Variants in RREB1 observed in about 807,000 individuals in gnomAD.
RREB1 encodes the protein ras responsive element binding protein 1.
In RREB1, 27 loss-of-function variants were observed where a neutral mutation model predicts 117.8. The observed-to-expected ratio is 0.23, with a 90% CI of 0.17 to 0.32. The LOEUF (loss-of-function observed/expected upper bound fraction) is 0.32, where lower values mean the gene tolerates loss of function less well. Ranked by LOEUF, RREB1 falls within the 10% of genes least tolerant of loss-of-function variation. The probability of loss-of-function intolerance (pLI) is 1.00; values close to 1 mark genes in which losing one functional copy is unlikely to be tolerated. For missense variants in RREB1, 2,577 were observed against 2,378.2 expected (o/e 1.08, Z -1.74); for synonymous variants, 1,298 against 1,026.7 (o/e 1.26, Z -5.05).
At chr6:7,228,495 CTTTTTTTTTT>C (rs568193582) in intron 9 of RREB1, among the ~76,000 whole-genome samples, 10 of 91,232 alleles carry the variant, frequency 1.1e-4, no homozygotes, top group South Asian at 3.7e-4. Context: ...AGAAGGTCAA[CTTTTTTTTTT>C]TTTTTTTTTT....
intron 6 of RREB1, 108 bp from the exon 7 acceptor site, chr6:7,210,696 C>G: frequency 1.1e-6 from 1 of 939,748 alleles, no homozygotes; most frequent in Non-Finnish European, 1.6e-6. Context: ...CCTCATATCT[C>G]TTAACTAAAG....
chr6:7,177,573 C>T (rs1230879707), intron 2 of RREB1, among the ~76,000 whole-genome samples: 2 of 152,042 alleles, frequency 1.3e-5, no homozygotes, highest in Non-Finnish European at 2.9e-5. Flanking sequence ...CTCACTCTGT[C>T]GCCCAGGCTG....
chr6:7,230,326 G>A lies in RREB1; in HGVS notation c.2227G>A (p.Glu743Lys), dbSNP rs147574604. The A allele has an allele frequency of 4.4e-4, 707 of 1,589,084 alleles. 3 individuals are homozygous for A. Among genetic ancestry groups the A allele is most frequent in the South Asian group, 6.8e-4 (61 of 89,772 alleles). ...NIEYVSSSAAELVDAFCAPDT... is the reference protein window; with the variant it reads ...NIEYVSSSAAKLVDAFCAPDT... ...CGAGTATGTGAGTAGCAGCGCGGCC[G>A]AGCTGGTGGACGCCTTCTGCGCCCC... The change falls in exon 10 of 13, where the codon GAG becomes AAG. Residue 743 changes from glutamate to lysine, a missense_variant. By Grantham distance (56) the Glu-to-Lys change is moderately conservative. Coordinates refer to ENST00000379938, the MANE Select transcript of RREB1 (RefSeq NM_001003699.4).
At chr6:7,212,365 G>T (rs1766660154) in intron 8 of RREB1, 1 of 152,228 alleles carries the variant, frequency 6.6e-6, no homozygotes, top group South Asian at 2.1e-4. Context: ...GAAAACACGG[G>T]TAGTGACAGG....
At chr6:7,233,520 T>G (rs184290182) in intron 10 of RREB1, among the ~76,000 whole-genome samples, 9 of 152,336 alleles carry the variant, frequency 5.9e-5, no homozygotes, top group African/African-American at 2.2e-4. Context: ...AAACTTGAAT[T>G]TCAGATAGAC....
rs3028658 is a variant in RREB1, at chr6:7,187,540, CTTTTATTTTATTTTATTTTA to C, written c.261+48_261+67del. ...ATTCGCCAGGTAGATTCCCACTGTTCTTTTATTTTATTTTATTTTATTTTATTTTATTTTATTTTATTTTA... is the reference window on the plus strand; with the variant it reads ...ATTCGCCAGGTAGATTCCCACTGTTCTTTTATTTTATTTTATTTTATTTTA... On this transcript the variant is annotated intron_variant, in intron 5 of 12. Transcript: ENST00000379938. 563 of 847,850 alleles carry C rather than the reference CTTTTATTTTATTTTATTTTA, an allele frequency of 6.6e-4. 27 individuals carry two copies. The African/African-American group carries it at 8.6e-3, about 13-fold the overall frequency. The allele number at this position is 847,850 out of a possible 1,614,324, so 52.5% of individuals were successfully genotyped here.
chr6:7,209,143 T>TTG (rs1204569020), intron 6 of RREB1, among the ~76,000 whole-genome samples: 1 of 152,230 alleles, frequency 6.6e-6, no homozygotes. Flanking sequence ...TCTATAAATA[T>TTG]TGTGTCATAT....
At chr6:7,248,354 TCA>T (rs1769230867) in intron 12 of RREB1, among the ~76,000 whole-genome samples, 155 bp from the exon 13 acceptor site, 1 of 152,204 alleles carries the variant, frequency 6.6e-6, no homozygotes, top group Admixed American at 6.5e-5. Context: ...TTGTCCGTCC[TCA>T]GTTTGCTGGT....
At chr6:7,228,607 G>A (rs976579193) in intron 9 of RREB1, among the ~76,000 whole-genome samples, 22 of 149,798 alleles carry the variant, frequency 1.5e-4, no homozygotes, top group African/African-American at 5.2e-4. Flanking sequence ...CTTAAGCTCA[G>A]GTGCTTTTCC....
Position 7,246,602 on chromosome 6 carries a change from T to A in RREB1, c.4152T>A (p.Arg1384=). ...ASPVHREEHG[R]GESHEPEEEH... Reference sequence around the variant, plus strand: ...CGGTGCACCGGGAAGAGCACGGGCGTGGGGAGAGCCATGAGCCGGAGGAGG... The same window carrying A: ...CGGTGCACCGGGAAGAGCACGGGCGAGGGGAGAGCCATGAGCCGGAGGAGG... The change falls in exon 12 of 13, where the codon CGT becomes CGA. Residue 1384 remains arginine, a synonymous_variant. Coordinates refer to ENST00000379938, the MANE Select transcript of RREB1 (RefSeq NM_001003699.4). 1 of 1,557,576 alleles carries A rather than the reference T, an allele frequency of 6.4e-7. No individual in the cohort carries two copies.
At position 7,246,471 on chromosome 6, in the gene RREB1, G is replaced by A. The variant is rs747277914; in HGVS notation, c.4021G>A (p.Asp1341Asn). 2 of 1,536,722 alleles carry A rather than the reference G, an allele frequency of 1.3e-6. No homozygotes were observed. Among genetic ancestry groups the A allele is most frequent in the Non-Finnish European group, 1.8e-6 (2 of 1,140,090 alleles). ...ETAAAAGEVLDLTSRDREQPS... is the reference protein window; with the variant it reads ...ETAAAAGEVLNLTSRDREQPS... ...TGCAGCCGCCGCGGGCGAAGTGCTA[G>A]ACCTCACCTCACGGGACAGAGAGCA... Residue 1341 changes from aspartate to asparagine, a missense_variant, in exon 12 of 13, where the codon GAC becomes AAC. Coordinates refer to ENST00000379938, the MANE Select transcript of RREB1 (RefSeq NM_001003699.4).
Position 7,230,091 on chromosome 6 carries a change from C to A in RREB1, c.1992C>A (p.Ser664=), listed in dbSNP as rs147892331. 221 of 1,601,826 alleles carry A rather than the reference C, an allele frequency of 1.4e-4. 2 individuals are homozygous for A. The highest frequency in any genetic ancestry group is 1.7e-4 in the Middle Eastern group (1 of 6,020). Residue 664 remains serine (S), a synonymous_variant, in exon 10 of 13, where the codon TCC becomes TCA. Coordinates refer to ENST00000379938, the MANE Select transcript of RREB1 (RefSeq NM_001003699.4). ...FSGVLRAHVR[S]HLGISPYQCN... ...GGGTCTTGCGTGCCCACGTGCGCTC[C>A]CACCTGGGCATCTCGCCATACCAGT...
At chr6:7,194,824 T>G (rs1202778912) in intron 6 of RREB1, among the ~76,000 whole-genome samples, 1 of 152,142 alleles carries the variant, frequency 6.6e-6, no homozygotes, top group Non-Finnish European at 1.5e-5. Flanking sequence ...AGTTTCTGAG[T>G]CTGTATTGTT....
intron 1 of RREB1, among the ~76,000 whole-genome samples, chr6:7,176,426 A>AT (rs985217349): frequency 4.6e-5 from 7 of 151,864 alleles, no homozygotes; most frequent in Non-Finnish European, 8.8e-5. Context: ...TGCCTGGGGG[A>AT]TAGGGGTGTT....
In RREB1 at chr6:7,120,442, A is replaced by G. The variant is rs541151102; in HGVS notation, c.-285+12382A>G. Among the ~76,000 whole-genome samples the G allele has an allele frequency of 6.6e-5, 10 of 152,294 alleles. No individual in the cohort carries two copies. The East Asian group carries it at 1.9e-3, about 29-fold the overall frequency. ...GCATTCCAGCCTGAGCAACAGGGTG[A>G]GACCCCTTCTCAAAAAGAAAAAAAA... On this transcript the variant is annotated intron_variant, in intron 1 of 12. Transcript: ENST00000379938.
At chr6:7,111,919 C>T (rs539890542) in intron 1 of RREB1, among the ~76,000 whole-genome samples, 1 of 152,258 alleles carries the variant, frequency 6.6e-6, no homozygotes, top group African/African-American at 2.4e-5. Flanking sequence ...GTCTTTTATT[C>T]CGCATGAAAC....
intron 11 of RREB1, among the ~76,000 whole-genome samples, chr6:7,242,707 G>GGGC (rs1768790574): frequency 6.6e-6 from 1 of 151,258 alleles, no homozygotes; most frequent in Admixed American, 6.6e-5. Flanking sequence ...AAAAGGGGGG[G>GGGC]GGGGAAGGAA....
chr6:7,132,186 C>T (rs1053575845), intron 1 of RREB1, among the ~76,000 whole-genome samples: 2 of 152,148 alleles, frequency 1.3e-5, no homozygotes, highest in African/African-American at 2.4e-5. Flanking sequence ...TCCGAAGTAG[C>T]TGGGATTACA....
chr6:7,226,943 AAGTTGTC>A (rs1379284235), intron 9 of RREB1, among the ~76,000 whole-genome samples: 5 of 152,112 alleles, frequency 3.3e-5, no homozygotes, highest in African/African-American at 1.2e-4. Context: ...TTTGAGGTTT[AAGTTGTC>A]AGTTGTAGAC....
Sources: allele counts gnomAD v4.1 joint callset (sites outside exome capture counted in the v4.1 genomes callset), GRCh38; gene constraint gnomAD v4.1.1; transcripts MANE v1.5; gene names NCBI Gene and HGNC (gene_info 2026-07-23, HGNC 2026-07-21).